Variants in ROBO2 observed in about 807,000 individuals in gnomAD.
The protein encoded by ROBO2 is roundabout homolog 2.
ROBO2 carries 53 observed loss-of-function variants against 160.8 expected under a neutral mutation model. That is an observed-to-expected ratio of 0.33 (90% CI 0.26 to 0.41). The LOEUF (loss-of-function observed/expected upper bound fraction) is 0.41, where lower values mean the gene tolerates loss of function less well. ROBO2 is among the 10% of genes least tolerant of loss of function. The pLI is 1.00. For missense variants in ROBO2, 1,577 were observed against 1,722.4 expected, an observed-to-expected ratio of 0.92 and a Z score of 1.49; for synonymous variants, 664 against 611.7, an observed-to-expected ratio of 1.09 and a Z score of -1.26.
At chr3:76,990,970 A>G (rs190552442) in intron 2 of ROBO2, among the ~76,000 whole-genome samples, 6 of 152,302 alleles carry the variant, frequency 3.9e-5, no homozygotes, top group African/African-American at 1.4e-4. Context: ...TTAGGGGAGA[A>G]GGGTAGCAAG....
At position 76,171,044 on chromosome 3, in the gene ROBO2, C is replaced by T. The variant is rs77995106; in HGVS notation, c.109+233442C>T. Among the ~76,000 whole-genome samples the T allele has an allele frequency of 6.9e-3, 1,055 of 152,226 alleles. 9 individuals are homozygous for T. Among genetic ancestry groups the T allele is most frequent in the Middle Eastern group, 0.014 (4 of 294 alleles). On this transcript the variant is annotated intron_variant, in intron 2 of 26. Coordinates refer to the ROBO2 transcript ENST00000487694. The stretch of plus-strand genomic sequence containing the variant: ...CCCATTAAACAGATGAGATGACTGC[C>T]TTCAGAGATGTCTGGTAAAGATCCA...
intron 2 of ROBO2, among the ~76,000 whole-genome samples, chr3:76,360,750 CT>C (rs1359543837): frequency 6.6e-6 from 1 of 152,004 alleles, no homozygotes; most frequent in Non-Finnish European, 1.5e-5. Context: ...TCTTACAAAG[CT>C]TTTAAAAGGA....
chr3:76,171,738 A>G (rs2073048396), intron 2 of ROBO2, among the ~76,000 whole-genome samples: 1 of 152,110 alleles, frequency 6.6e-6, no homozygotes, highest in African/African-American at 2.4e-5. Flanking sequence ...TGTTGTGCAA[A>G]AAGAATGAGG....
chr3:76,802,177 T>G (rs2064251213), intron 2 of ROBO2, among the ~76,000 whole-genome samples: 2 of 152,202 alleles, frequency 1.3e-5, no homozygotes, highest in Admixed American at 6.5e-5. Context: ...CACACGCTGC[T>G]GGAACAATGG....
intron 2 of ROBO2, among the ~76,000 whole-genome samples, chr3:76,189,504 A>T (rs1701911929): frequency 6.6e-6 from 1 of 152,060 alleles, no homozygotes; most frequent in Non-Finnish European, 1.5e-5. Flanking sequence ...TTTCAAACAT[A>T]TGTTCCCTAT....
At position 76,482,176 on chromosome 3, in the gene ROBO2, G is replaced by A. The variant is rs150792394; in HGVS notation, c.109+544574G>A. 2.6e-3 allele frequency among the ~76,000 whole-genome samples: 400 copies of A among 152,220 alleles called. 1 individual carries two copies. The highest frequency in any genetic ancestry group is 9.3e-3 in the African/African-American group (388 of 41,544). On this transcript the variant is annotated intron_variant, in intron 2 of 26. Coordinates refer to the ROBO2 transcript ENST00000487694. The stretch of plus-strand genomic sequence containing the variant: ...ACATAGAATCACGCTCTGCAGGTAT[G>A]CCTTTATTTCATGTCATCTTTTCAA...
At chr3:76,704,547 T>G (rs2093118245) in intron 2 of ROBO2, among the ~76,000 whole-genome samples, 1 of 152,094 alleles carries the variant, frequency 6.6e-6, no homozygotes, top group Non-Finnish European at 1.5e-5. Flanking sequence ...GAATCATAGA[T>G]CAATTTACTG....
At chr3:77,114,610 C>T (rs1352175050) in intron 2 of ROBO2, among the ~76,000 whole-genome samples, 1 of 152,138 alleles carries the variant, frequency 6.6e-6, no homozygotes, top group African/African-American at 2.4e-5. Flanking sequence ...CTTTTCCAAT[C>T]AGCCATTCAG....
chr3:76,444,530 G>A (rs1002187782), intron 2 of ROBO2, among the ~76,000 whole-genome samples: 1 of 152,050 alleles, frequency 6.6e-6, no homozygotes, highest in Admixed American at 6.6e-5. Context: ...GAAGGTGAAG[G>A]GAAAGCAAGG....
chr3:76,131,539 G>A (rs1238352510), intron 2 of ROBO2, among the ~76,000 whole-genome samples: 1 of 152,112 alleles, frequency 6.6e-6, no homozygotes, highest in East Asian at 1.9e-4. Context: ...ACCACGGTAG[G>A]TGGTGAGGGA....
At chr3:76,481,847 T>C (rs1388176674) in intron 2 of ROBO2, among the ~76,000 whole-genome samples, 1 of 152,114 alleles carries the variant, frequency 6.6e-6, no homozygotes, top group Non-Finnish European at 1.5e-5. Flanking sequence ...GTGGCCTTGT[T>C]CAAAGACCCT....
At chr3:76,786,995 AG>A (rs2063023776) in intron 2 of ROBO2, among the ~76,000 whole-genome samples, 1 of 151,432 alleles carries the variant, frequency 6.6e-6, no homozygotes, top group Non-Finnish European at 1.5e-5. Context: ...ATGAGAAACA[AG>A]CACATCTTCA....
At chr3:77,509,753 G>A (rs1213820709) in intron 5 of ROBO2, among the ~76,000 whole-genome samples, 1 of 152,040 alleles carries the variant, frequency 6.6e-6, no homozygotes, top group African/African-American at 2.4e-5. Context: ...TCCTGCACGT[G>A]TACAGCCTTC....
At chr3:76,232,306 T>A (rs1010206002) in intron 2 of ROBO2, among the ~76,000 whole-genome samples, 2 of 152,234 alleles carry the variant, frequency 1.3e-5, no homozygotes, top group Non-Finnish European at 2.9e-5. Context: ...GAACTAAAGA[T>A]AATTTGGATG....
intron 2 of ROBO2, among the ~76,000 whole-genome samples, chr3:76,488,421 T>C (rs971251639): frequency 1.3e-5 from 2 of 152,016 alleles, no homozygotes; most frequent in African/African-American, 4.8e-5. Context: ...AGACCTGCCA[T>C]TGCCTGCCAT....
chr3:76,984,814 T>C (rs549354344), intron 2 of ROBO2, among the ~76,000 whole-genome samples: 1 of 151,982 alleles, frequency 6.6e-6, no homozygotes, highest in East Asian at 1.9e-4. Flanking sequence ...TGAACAAATA[T>C]TTTATACCAC....
chr3:77,278,543 A>G (rs1179254076), intron 2 of ROBO2, among the ~76,000 whole-genome samples: 1 of 152,198 alleles, frequency 6.6e-6, no homozygotes, highest in Non-Finnish European at 1.5e-5. Flanking sequence ...TTAAATGCTT[A>G]TTAGAATCCA....
At chr3:76,119,468 A>G (rs978626184) in intron 2 of ROBO2, among the ~76,000 whole-genome samples, 2 of 151,992 alleles carry the variant, frequency 1.3e-5, no homozygotes, top group African/African-American at 4.8e-5. Flanking sequence ...TTAATTAATA[A>G]CATATTATAA....
intron 5 of ROBO2, among the ~76,000 whole-genome samples, chr3:77,510,876 A>AT (rs2089307915): frequency 1.3e-5 from 2 of 151,942 alleles, no homozygotes; most frequent in African/African-American, 4.8e-5. Flanking sequence ...CGTGGTCTTC[A>AT]TTTTCCTTCT....
Sources: allele counts gnomAD v4.1 joint callset (sites outside exome capture counted in the v4.1 genomes callset), GRCh38; gene constraint gnomAD v4.1.1; transcripts MANE v1.5; gene names NCBI Gene and HGNC (gene_info 2026-07-23, HGNC 2026-07-21).